The following ADAMTS17 variants were observed in gnomAD, a reference collection of about 807,000 sequenced individuals.
The protein encoded by ADAMTS17 is A disintegrin and metalloproteinase with thrombospondin motifs 17.
Under a neutral mutation model 141.5 loss-of-function variants are expected in ADAMTS17, and 113 were observed. The ratio of observed to expected loss-of-function variants is 0.80; its 90% CI spans 0.69 to 0.93. The LOEUF (loss-of-function observed/expected upper bound fraction) is 0.93, where lower values mean the gene tolerates loss of function less well. Among genes scored for constraint, ADAMTS17 ranks in the 40% least tolerant of loss-of-function variants. The pLI is 0.00. For missense variants in ADAMTS17, 1,659 were observed against 1,517.9 expected (o/e 1.09, Z -1.54); for synonymous variants, 768 against 630.6 (o/e 1.22, Z -3.27).
At chr15:100,127,965 C>T (rs1321056842) in intron 12 of ADAMTS17, among the ~76,000 whole-genome samples, 2 of 151,740 alleles carry the variant, frequency 1.3e-5, no homozygotes, top group African/African-American at 4.8e-5. Flanking sequence ...TAATTTCCTA[C>T]ATAAATGCCT....
chr15:100,227,912 T>C (rs1273541064), intron 7 of ADAMTS17, among the ~76,000 whole-genome samples: 1 of 152,190 alleles, frequency 6.6e-6, no homozygotes, highest in Non-Finnish European at 1.5e-5. Flanking sequence ...CCCACTGTTA[T>C]CTTAGAGCAA....
chr15:100,185,821 T>C (rs183987546), intron 8 of ADAMTS17, among the ~76,000 whole-genome samples: 1 of 152,210 alleles, frequency 6.6e-6, no homozygotes, highest in Non-Finnish European at 1.5e-5. Context: ...TTCTGGCTCC[T>C]GAAGTCCTTC....
chr15:100,124,742 G>GTT (rs10661941), intron 12 of ADAMTS17, among the ~76,000 whole-genome samples: 21,294 of 151,856 alleles, frequency 0.14, 1,652 homozygotes, highest in Admixed American at 0.2. Flanking sequence ...AAGCAAAAGA[G>GTT]TAAGGTAGAG....
In ADAMTS17 at chr15:100,209,746, C is replaced by G. The variant is rs563730205; in HGVS notation, c.1076-10323G>C. 1.6e-3 allele frequency among the ~76,000 whole-genome samples: 251 copies of G among 152,272 alleles called. 7 individuals carry two copies. The South Asian group carries it at 0.045, about 27-fold the overall frequency. On this transcript the variant is annotated intron_variant, in intron 7 of 21. Transcript: ENST00000268070. ...GGAAGATGGCCAGCCTCAGAATCAT[C>G]GCCAGCGTGGCAGAAAGTGGATGGT... is the stretch of plus-strand genomic sequence containing the variant.
chr15:100,190,517 T>C (rs142574097), intron 8 of ADAMTS17, among the ~76,000 whole-genome samples: 2 of 151,688 alleles, frequency 1.3e-5, no homozygotes, highest in Admixed American at 6.6e-5. Flanking sequence ...AGGCCACAGG[T>C]TGGGCCTGTC....
At position 100,208,750 on chromosome 15, in the gene ADAMTS17, G is replaced by C. The variant is rs1034113332; in HGVS notation, c.1076-9327C>G. Among the ~76,000 whole-genome samples the C allele has an allele frequency of 5.8e-5, 3 of 52,050 alleles. 1 individual carries two copies. The highest frequency in any genetic ancestry group is 0.015 in the Middle Eastern group (2 of 132). 34.1% of individuals were successfully genotyped at this position (52,050 alleles called of 152,430 possible). A position where few individuals can be genotyped will look rare whatever the true frequency, so the allele number is the denominator to read the frequency against. On this transcript the variant is annotated intron_variant, in intron 7 of 21. Coordinates refer to ENST00000268070, the MANE Select transcript of ADAMTS17 (RefSeq NM_139057.4). ...AACAAAGGGATACACACATGCATGT[G>C]AAATAGAAGGAGAAGAGGCCTTGGT... is the stretch of plus-strand genomic sequence containing the variant.
In ADAMTS17 at chr15:100,197,234, G is replaced by C. The variant is rs185762865; in HGVS notation, c.1181+2084C>G. Among the ~76,000 whole-genome samples the C allele has an allele frequency of 1.4e-4, 21 of 152,352 alleles. No homozygotes were observed. The East Asian group carries it at 3.7e-3, about 27-fold the overall frequency. ...CACACGTATGTGCAAATGGCACTTA[G>C]CATGTGCCATGCTGCTGGATGCTGG... On this transcript the variant is annotated intron_variant, in intron 8 of 21. Coordinates refer to ENST00000268070, the MANE Select transcript of ADAMTS17 (RefSeq NM_139057.4).
At chr15:100,116,735 G>A in intron 13 of ADAMTS17, 112 bp downstream of exon 13, 1 of 1,457,080 alleles carries the variant, frequency 6.9e-7, no homozygotes, top group Non-Finnish European at 9.6e-7. Flanking sequence ...GGACTGGAGT[G>A]TCTTGCTGGG....
intron 2 of ADAMTS17, among the ~76,000 whole-genome samples, chr15:100,340,834 G>A (rs1215033547): frequency 6.6e-6 from 1 of 152,172 alleles, no homozygotes; most frequent in African/African-American, 2.4e-5. Flanking sequence ...GCTGGACTGG[G>A]ATGCTGCCCC....
intron 20 of ADAMTS17, chr15:99,979,799 C>T (rs929380816): frequency 6.6e-6 from 1 of 152,266 alleles, no homozygotes; most frequent in East Asian, 1.9e-4. Context: ...AGGAAAATAG[C>T]AACATTTCTA....
chr15:100,047,095 G>A (rs192584061), intron 18 of ADAMTS17, among the ~76,000 whole-genome samples: 30 of 152,046 alleles, frequency 2.0e-4, no homozygotes, highest in East Asian at 1.7e-3. Context: ...GGGTGTGGCC[G>A]TCTTCTATGG....
intron 7 of ADAMTS17, among the ~76,000 whole-genome samples, chr15:100,239,085 G>A (rs775664137): frequency 1.3e-5 from 2 of 152,172 alleles, no homozygotes; most frequent in Non-Finnish European, 2.9e-5. Context: ...GCGAGACTCC[G>A]TCTCAAAAAA....
In ADAMTS17 at chr15:99,996,787, T is replaced by A. The variant is rs2060811355; in HGVS notation, c.2796+598A>T. On this transcript the variant is annotated intron_variant, in intron 19 of 21. Coordinates refer to ENST00000268070, the MANE Select transcript of ADAMTS17 (RefSeq NM_139057.4). The stretch of plus-strand genomic sequence containing the variant: ...TATTCAGCTATTTTTTTTTTTGTAG[T>A]TTTATAGCCAAACAGTCAAAATCAT... Among the ~76,000 whole-genome samples the A allele has an allele frequency of 4.6e-5, 7 of 152,122 alleles. No individual in the cohort carries two copies. The South Asian group carries it at 1.2e-3, about 27-fold the overall frequency.
chr15:100,098,274 G>A (rs544748595), intron 14 of ADAMTS17, among the ~76,000 whole-genome samples: 1 of 152,074 alleles, frequency 6.6e-6, no homozygotes, highest in East Asian at 1.9e-4. Flanking sequence ...GAGGCACCGT[G>A]AGCCTGGAGC....
intron 16 of ADAMTS17, among the ~76,000 whole-genome samples, chr15:100,053,272 G>A (rs183280992): frequency 6.6e-6 from 1 of 152,304 alleles, no homozygotes; most frequent in East Asian, 1.9e-4. Context: ...AGGCATCACT[G>A]ATGTTTCAGT....
At chr15:100,087,950 A>G (rs8035037) in intron 15 of ADAMTS17, among the ~76,000 whole-genome samples, 49,976 of 152,032 alleles carry the variant, frequency 0.33, 10,516 homozygotes, top group East Asian at 0.58. Flanking sequence ...GCCTTCTCTC[A>G]CCACTCCTAT....
At chr15:100,264,197 A>G (rs1295803080) in intron 4 of ADAMTS17, among the ~76,000 whole-genome samples, 1 of 152,080 alleles carries the variant, frequency 6.6e-6, no homozygotes, top group Non-Finnish European at 1.5e-5. Flanking sequence ...TTAATACTGG[A>G]CCATCCACAA....
At chr15:100,227,636 G>C (rs1567391123) in intron 7 of ADAMTS17, among the ~76,000 whole-genome samples, 1 of 152,314 alleles carries the variant, frequency 6.6e-6, no homozygotes, top group East Asian at 1.9e-4. Flanking sequence ...CAAGACAGCT[G>C]CAGAAGCCCT....
At chr15:99,978,777 G>GA (rs2060421159) in intron 20 of ADAMTS17, 1 of 152,242 alleles carries the variant, frequency 6.6e-6, no homozygotes, top group Non-Finnish European at 1.5e-5. Flanking sequence ...GCTACCTGGT[G>GA]AGCTTTGAAA....
Sources: gnomAD v4.1 joint callset for allele counts (sites outside exome capture counted in the v4.1 genomes callset) on GRCh38, gnomAD v4.1.1 for gene constraint, MANE v1.5 for transcripts, NCBI Gene and HGNC (gene_info 2026-07-23, HGNC 2026-07-21) for gene names.